TBC1D8: variants seen among roughly 807,000 people sequenced by gnomAD.
The protein encoded by TBC1D8 is TBC1 domain family member 8.
TBC1D8 carries 65 observed loss-of-function variants against 118.8 expected under a neutral mutation model. The observed-to-expected ratio is 0.55, with a 90% confidence interval of 0.45 to 0.67. The LOEUF is 0.67. Among genes scored for constraint, TBC1D8 ranks in the 30% least tolerant of loss-of-function variants. TBC1D8 has a pLI of 0.00. For missense variants in TBC1D8, 1,376 were observed against 1,471.2 expected, an observed-to-expected ratio of 0.94 and a Z score of 1.06; for synonymous variants, 566 against 595.8, an observed-to-expected ratio of 0.95 and a Z score of 0.73.
At position 101,050,442 on chromosome 2, in the gene TBC1D8, G is replaced by A. The variant is rs1326600889; in HGVS notation, c.831C>T (p.Asp277=). 2.5e-6 allele frequency: 4 copies of A among 1,613,812 alleles called. No individual in the cohort carries two copies. Among genetic ancestry groups the A allele is most frequent in the Admixed American group, 1.7e-5 (1 of 59,998 alleles). Residue 277 remains aspartate, a synonymous_variant, in exon 5 of 20, where the codon GAC becomes GAT. Coordinates refer to ENST00000409318, the MANE Select transcript of TBC1D8 (RefSeq NM_001330348.2). ...TCGGCTCCTGCAGATCGGGGTCGAG[G>A]TCAAAGACCTCATTATCCAGCAGCC... The part of the protein sequence containing the change: ...LRRLLDNEVF[D]LDPDLQEPSQ...
intron 1 of TBC1D8, among the ~76,000 whole-genome samples, chr2:101,127,103 G>A (rs376043070): frequency 3.2e-4 from 48 of 152,282 alleles, no homozygotes; most frequent in Admixed American, 7.8e-4. Context: ...CTGGGAGGCC[G>A]AGGCAGGTGG....
chr2:101,131,607 G>A (rs1183752770), intron 1 of TBC1D8, among the ~76,000 whole-genome samples: 1 of 151,976 alleles, frequency 6.6e-6, no homozygotes, highest in Non-Finnish European at 1.5e-5. Context: ...GAGGTCAGGA[G>A]ATTGAGACCA....
rs865837750 is a variant in TBC1D8, at chr2:101,054,677, T to C, written c.403-341A>G. Among the ~76,000 whole-genome samples the C allele has an allele frequency of 6.8e-5, 8 of 117,294 alleles. No individual in the cohort carries two copies. The South Asian group carries it at 1.6e-3, about 24-fold the overall frequency. 76.9% of individuals were successfully genotyped at this position (117,294 alleles called of 152,430 possible). A position where few individuals can be genotyped will look rare whatever the true frequency, so the allele number is the denominator to read the frequency against. ...CAATCATTTTCTTTTCTTTTCTTTTTTTTTTTTTTTTTTTTTTTTTTGGAG... is the reference window on the plus strand; with the variant it reads ...CAATCATTTTCTTTTCTTTTCTTTTCTTTTTTTTTTTTTTTTTTTTTGGAG... On this transcript the variant is annotated intron_variant, in intron 3 of 19. Coordinates refer to ENST00000409318, the MANE Select transcript of TBC1D8 (RefSeq NM_001330348.2).
chr2:101,102,458 T>TA lies in TBC1D8; in HGVS notation c.128-12095dup, dbSNP rs746167116. Among the ~76,000 whole-genome samples, 1,293 of 131,700 alleles carry TA rather than the reference T, an allele frequency of 9.8e-3. 20 individuals are homozygous for TA. The highest frequency in any genetic ancestry group is 0.03 in the African/African-American group (1,091 of 36,416). 86.4% of individuals were successfully genotyped at this position (131,700 alleles called of 152,430 possible). A position where few individuals can be genotyped will look rare whatever the true frequency, so the allele number is the denominator to read the frequency against. ...GACAGAGCGAGATTCCATAAAAAGT[T>TA]AAAAAAAAAAAAAATCTCTTCAAGT... is the stretch of plus-strand genomic sequence containing the variant. On this transcript the variant is annotated intron_variant, in intron 1 of 19. Coordinates refer to ENST00000409318, the MANE Select transcript of TBC1D8 (RefSeq NM_001330348.2).
chr2:101,017,954 G>C, intron 17 of TBC1D8: 2 of 1,549,258 alleles, frequency 1.3e-6, no homozygotes, highest in Non-Finnish European at 1.7e-6. Context: ...TCTCTACTTG[G>C]TGAAAAGTCA....
chr2:101,033,824 G>A, intron 9 of TBC1D8, 66 bp from the exon 10 acceptor site: 1 of 1,541,600 alleles, frequency 6.5e-7, no homozygotes, highest in Non-Finnish European at 8.8e-7. Context: ...TGAAGAAGAT[G>A]CTGGTCCCAT....
chr2:101,134,697 C>T (rs1327703367), intron 1 of TBC1D8, among the ~76,000 whole-genome samples: 1 of 152,150 alleles, frequency 6.6e-6, no homozygotes, highest in East Asian at 1.9e-4. Flanking sequence ...TTCAGTTAAC[C>T]TTAGTTACCT....
chr2:101,027,528 C>T (rs1168772916), intron 14 of TBC1D8, 77 bp from the exon 15 acceptor site: 3 of 1,345,128 alleles, frequency 2.2e-6, no homozygotes, highest in Non-Finnish European at 3.2e-6. Flanking sequence ...GGGGACTCTT[C>T]CTCCTGAAGG....
In TBC1D8 at chr2:101,045,956, G is replaced by A. The variant is rs10181005; in HGVS notation, c.872+4445C>T. Reference sequence around the variant, plus strand: ...TACAGTGAGCTGAGATCACGCCACCGCACTCCAGCCTAGGCAACAGAGCAA... The same window carrying A: ...TACAGTGAGCTGAGATCACGCCACCACACTCCAGCCTAGGCAACAGAGCAA... On this transcript the variant is annotated intron_variant, in intron 5 of 19. Transcript: ENST00000409318. Among the ~76,000 whole-genome samples, 386 of 152,206 alleles carry A rather than the reference G, an allele frequency of 2.5e-3. 2 individuals carry two copies. Among genetic ancestry groups the A allele is most frequent in the African/African-American group, 8.3e-3 (346 of 41,532 alleles).
intron 1 of TBC1D8, among the ~76,000 whole-genome samples, chr2:101,120,472 G>C (rs1678050632): frequency 6.6e-6 from 1 of 152,268 alleles, no homozygotes; most frequent in African/African-American, 2.4e-5. Flanking sequence ...TGTGGCCAAG[G>C]GTATGAACCA....
intron 5 of TBC1D8, among the ~76,000 whole-genome samples, chr2:101,041,265 A>G (rs150403907): frequency 6.6e-6 from 1 of 152,360 alleles, no homozygotes; most frequent in East Asian, 1.9e-4. Flanking sequence ...ATGATAACTT[A>G]AAGGCAGAAA....
chr2:101,130,039 G>A (rs777125079), intron 1 of TBC1D8, among the ~76,000 whole-genome samples: 2 of 152,180 alleles, frequency 1.3e-5, no homozygotes, highest in Non-Finnish European at 2.9e-5. Context: ...ACGAGCTGGT[G>A]GGCTCCAAGA....
Position 101,010,917 on chromosome 2 carries a change from GAA to G in TBC1D8, c.3015+10_3015+11del, listed in dbSNP as rs1488113203. 8 of 1,589,406 alleles carry G rather than the reference GAA, an allele frequency of 5.0e-6. No homozygotes were observed. Among genetic ancestry groups the G allele is most frequent in the Non-Finnish European group, 6.0e-6 (7 of 1,163,342 alleles). On this transcript the variant is annotated intron_variant, in intron 19 of 19. Transcript: ENST00000409318. ...AAAAAAGTTAATTCTCTGCACTGAA[GAA>G]AGTCCATACCTGGCTCATTTTGGGC...
chr2:101,071,969 A>C (rs955079003), intron 2 of TBC1D8, among the ~76,000 whole-genome samples: 1 of 152,246 alleles, frequency 6.6e-6, no homozygotes, highest in Non-Finnish European at 1.5e-5. Flanking sequence ...TTTCTTAAAT[A>C]ATAAGACTTG....
At chr2:101,044,810 G>A (rs1430942863) in intron 5 of TBC1D8, among the ~76,000 whole-genome samples, 1 of 152,200 alleles carries the variant, frequency 6.6e-6, no homozygotes, top group Non-Finnish European at 1.5e-5. Context: ...GTGCTGTGGT[G>A]CAATCTCGGC....
At chr2:101,079,680 GTTT>G (rs35466679) in intron 2 of TBC1D8, among the ~76,000 whole-genome samples, 1 of 81,792 alleles carries the variant, frequency 1.2e-5, no homozygotes, top group African/African-American at 4.9e-5. Context: ...GTCCAGTCTG[GTTT>G]TTTTTTTTTT....
At chr2:101,010,651 G>C (rs1452153206) in intron 19 of TBC1D8, among the ~76,000 whole-genome samples, 1 of 152,062 alleles carries the variant, frequency 6.6e-6, no homozygotes, top group Non-Finnish European at 1.5e-5. Flanking sequence ...TTAGGAGGCT[G>C]AGGTGGGCAG....
chr2:101,038,462 A>G lies in TBC1D8; in HGVS notation c.1274T>C (p.Met425Thr). Residue 425 changes from methionine (M) to threonine (T), a missense_variant and splice_region_variant, in exon 7 of 20, where the codon ATG becomes ACG. Physicochemically the swap from Met to Thr is moderately conservative, Grantham distance 81. Coordinates refer to ENST00000409318, the MANE Select transcript of TBC1D8 (RefSeq NM_001330348.2). ...CATCAGGGTCTGGAGGGACCATACC[A>G]TGTCATCATCCGCAGAGGTGTCGTA... ...VHYDTSADDD[M>T]ASLVFHSTSM... 1 of 1,613,308 alleles carries G rather than the reference A, an allele frequency of 6.2e-7. No homozygotes were observed. The highest frequency in any genetic ancestry group is 8.5e-7 in the Non-Finnish European group (1 of 1,179,650).
Position 101,059,550 on chromosome 2 carries a change from A to G in TBC1D8, c.284-11T>C. ...CCTCTAATGTTGCACCTGGATTCAA[A>G]CAGAAAAAGATACAGAGATTAAAAA... On this transcript the variant is annotated splice_polypyrimidine_tract_variant and intron_variant, in intron 2 of 19. Transcript: ENST00000409318. The G allele has an allele frequency of 1.3e-6, 2 of 1,588,558 alleles. No individual in the cohort carries two copies. The highest frequency in any genetic ancestry group is 1.7e-4 in the Middle Eastern group (1 of 5,984).
Sources: gnomAD v4.1 joint callset for allele counts (sites outside exome capture counted in the v4.1 genomes callset) on GRCh38, gnomAD v4.1.1 for gene constraint, MANE v1.5 for transcripts, NCBI Gene and HGNC (gene_info 2026-07-23, HGNC 2026-07-21) for gene names.